NCOA5: variants seen among roughly 807,000 people sequenced by gnomAD.
NCOA5 encodes nuclear receptor coactivator 5, also known as NCoA-5.
Under a neutral mutation model 59.0 loss-of-function variants are expected in NCOA5, and 12 were observed. The observed-to-expected ratio is 0.20, with a 90% CI of 0.13 to 0.33. NCOA5 has a LOEUF of 0.33. Ranked by LOEUF, NCOA5 falls within the 10% of genes least tolerant of loss-of-function variation. The pLI is 1.00. For synonymous variants in NCOA5, 270 were observed against 275.5 expected (o/e 0.98, Z 0.20); for missense variants, 655 against 766.6 (o/e 0.85, Z 1.72).
At chr20:46,074,253 A>G (rs1264075712) in intron 2 of NCOA5, among the ~76,000 whole-genome samples, 1 of 152,210 alleles carries the variant, frequency 6.6e-6, no homozygotes, top group Non-Finnish European at 1.5e-5. Flanking sequence ...TACAGCTAAC[A>G]AAAGGGCAGT....
At chr20:46,085,195 T>TG (rs926389539) in intron 1 of NCOA5, among the ~76,000 whole-genome samples, 2 of 141,130 alleles carry the variant, frequency 1.4e-5, no homozygotes, top group Non-Finnish European at 3.1e-5. Flanking sequence ...CACACGCAGC[T>TG]AATTTTTTTT....
chr20:46,086,247 T>C (rs2085044277), intron 1 of NCOA5, among the ~76,000 whole-genome samples: 1 of 152,272 alleles, frequency 6.6e-6, no homozygotes, highest in Admixed American at 6.5e-5. Context: ...TAAGCTGCCC[T>C]GATCCTTGCC....
In NCOA5 at chr20:46,062,774, A is replaced by T. The variant is rs755599795; in HGVS notation, c.1266T>A (p.Ser422=). The T allele has an allele frequency of 1.2e-6, 2 of 1,601,608 alleles. No individual in the cohort carries two copies. The highest frequency in any genetic ancestry group is 2.7e-5 in the African/African-American group (2 of 74,776). ...GCTCTTGCTGGGAGGTGGGGGGTGC[A>T]GATGGAGTGGGTGTAGCAGAGGGGA... ...QVLPSATPTP[S]APPTSQQELQ... is the part of the protein sequence containing the mutation. The change falls in exon 8 of 8, where the codon TCT becomes TCA. Residue 422 remains serine, a synonymous_variant. Coordinates refer to ENST00000290231, the MANE Select transcript of NCOA5 (RefSeq NM_020967.3).
At chr20:46,075,813 C>T (rs889481460) in intron 2 of NCOA5, among the ~76,000 whole-genome samples, 1 of 152,186 alleles carries the variant, frequency 6.6e-6, no homozygotes, top group African/African-American at 2.4e-5. Flanking sequence ...ATGCAAGGTA[C>T]TCACAGGAGT....
chr20:46,063,513 C>G lies in NCOA5; in HGVS notation c.997G>C (p.Gly333Arg), dbSNP rs1226180069. Residue 333 changes from glycine to arginine, a missense_variant, in exon 7 of 8, where the codon GGA becomes CGA. Coordinates refer to ENST00000290231, the MANE Select transcript of NCOA5 (RefSeq NM_020967.3). The stretch of plus-strand genomic sequence containing the variant: ...GCTGGAGGGTGGCCCCCACGCACTC[C>G]CTCCTCAGGGCCTCCTCTCTCTCTT... ...QERERGGPEE[G>R]VRGGHPPAIQ... 6.2e-7 allele frequency: 1 copy of G among 1,614,110 alleles called. No homozygotes were observed. Among genetic ancestry groups the G allele is most frequent in the Non-Finnish European group, 8.5e-7 (1 of 1,180,054 alleles).
intron 2 of NCOA5, among the ~76,000 whole-genome samples, chr20:46,071,845 G>C (rs544519718): frequency 1.3e-5 from 2 of 152,276 alleles, no homozygotes; most frequent in South Asian, 4.1e-4. Flanking sequence ...CTTCTGCTCA[G>C]CTCAGGGCAC....
At chr20:46,070,138 C>T (rs2084865926) in intron 3 of NCOA5, 72 bp downstream of exon 3, 2 of 1,232,710 alleles carry the variant, frequency 1.6e-6, no homozygotes, top group South Asian at 1.4e-5. Context: ...TCTTACAGAG[C>T]TTTCAATTAG....
intron 1 of NCOA5, among the ~76,000 whole-genome samples, chr20:46,084,947 A>G (rs2085031116): frequency 1.3e-5 from 2 of 152,260 alleles, no homozygotes; most frequent in Non-Finnish European, 2.9e-5. Context: ...TCATTGATTC[A>G]TAATGTCAAA....
intron 5 of NCOA5, among the ~76,000 whole-genome samples, chr20:46,066,635 A>T (rs1237256395): frequency 1.3e-5 from 2 of 152,356 alleles, no homozygotes; most frequent in East Asian, 1.9e-4. Flanking sequence ...GCAGAACTTC[A>T]GGTGGAAACA....
At chr20:46,084,600 G>A (rs1029724111) in intron 1 of NCOA5, among the ~76,000 whole-genome samples, 2 of 152,276 alleles carry the variant, frequency 1.3e-5, no homozygotes, top group East Asian at 1.9e-4. Flanking sequence ...TTCTTTTAAG[G>A]AAAGGGCATT....
At chr20:46,066,306 T>C (rs1368168050) in intron 5 of NCOA5, among the ~76,000 whole-genome samples, 1 of 152,200 alleles carries the variant, frequency 6.6e-6, no homozygotes, top group East Asian at 1.9e-4. Context: ...AGCCCTAGCT[T>C]GGTAACATGG....
chr20:46,075,751 T>C (rs1444469330), intron 2 of NCOA5, among the ~76,000 whole-genome samples: 1 of 152,198 alleles, frequency 6.6e-6, no homozygotes, highest in Non-Finnish European at 1.5e-5. Context: ...GATCCTGTCT[T>C]TGAAGAAGGA....
chr20:46,065,398 G>A (rs895787560), intron 5 of NCOA5, among the ~76,000 whole-genome samples, 170 bp from the exon 6 acceptor site: 14 of 152,084 alleles, frequency 9.2e-5, no homozygotes, highest in Admixed American at 5.2e-4. Context: ...GGCTCAGAAC[G>A]GTTGTGACTT....
intron 1 of NCOA5, among the ~76,000 whole-genome samples, chr20:46,082,410 G>C (rs2085001322): frequency 6.6e-6 from 1 of 152,208 alleles, no homozygotes; most frequent in Non-Finnish European, 1.5e-5. Context: ...ATCAGATGGG[G>C]AACTCTGGTT....
In NCOA5 at chr20:46,061,422, C is replaced by T. The variant is rs1051526360; in HGVS notation, c.*878G>A. The T allele has an allele frequency of 5.9e-5, 9 of 152,736 alleles. No homozygotes were observed. Among genetic ancestry groups the T allele is most frequent in the African/African-American group, 1.9e-4 (8 of 41,556 alleles). The allele number at this position is 152,736 out of a possible 1,614,324, so 9.5% of individuals were successfully genotyped here. A position where few individuals can be genotyped will look rare whatever the true frequency, so the allele number is the denominator to read the frequency against. Reference sequence around the variant, plus strand: ...GCTGCTCAGGAAACAGAATAAGAGTCTAGACAAAAACAAGAGCCTGGGGTT... The same window carrying T: ...GCTGCTCAGGAAACAGAATAAGAGTTTAGACAAAAACAAGAGCCTGGGGTT... On this transcript the variant is annotated 3_prime_UTR_variant, in exon 8 of 8. Transcript: ENST00000290231.
chr20:46,068,079 C>T (rs1176875341), intron 4 of NCOA5, among the ~76,000 whole-genome samples: 5 of 152,032 alleles, frequency 3.3e-5, no homozygotes, highest in African/African-American at 1.2e-4. Flanking sequence ...TACAGGTGTG[C>T]ACCACTGCAC....
intron 5 of NCOA5, among the ~76,000 whole-genome samples, chr20:46,066,641 A>C (rs988558350): frequency 6.6e-6 from 1 of 152,194 alleles, no homozygotes; most frequent in African/African-American, 2.4e-5. Flanking sequence ...CTTCAGGTGG[A>C]AACACTGGGA....
At chr20:46,079,281 C>A in intron 2 of NCOA5, 106 bp downstream of exon 2, 1 of 1,039,146 alleles carries the variant, frequency 9.6e-7, no homozygotes, top group Non-Finnish European at 1.5e-6. Flanking sequence ...TTTGCTTGAG[C>A]GTTTCACTTG....
At chr20:46,081,540 C>T (rs754701614) in intron 1 of NCOA5, among the ~76,000 whole-genome samples, 2 of 151,944 alleles carry the variant, frequency 1.3e-5, no homozygotes, top group Non-Finnish European at 2.9e-5. Flanking sequence ...ATCTTTAAAC[C>T]ATTTTGATTG....
Sources: gnomAD v4.1 joint callset for allele counts (sites outside exome capture counted in the v4.1 genomes callset) on GRCh38, gnomAD v4.1.1 for gene constraint, MANE v1.5 for transcripts, NCBI Gene and HGNC (gene_info 2026-07-23, HGNC 2026-07-21) for gene names.